Variants in SNTG1 observed in about 807,000 individuals in gnomAD.
SNTG1 encodes gamma-1-syntrophin.
A neutral mutation model predicts 74.7 loss-of-function variants in SNTG1; 39 were observed. The ratio of observed to expected loss-of-function variants is 0.52; its 90% CI spans 0.40 to 0.68. SNTG1 has a LOEUF of 0.68. SNTG1 is among the 30% of genes least tolerant of loss of function. The probability of loss-of-function intolerance (pLI) is 0.00; values close to 1 mark genes in which losing one functional copy is unlikely to be tolerated. For missense variants in SNTG1, 685 were observed against 609.5 expected (o/e 1.12, Z -1.30); for synonymous variants, 254 against 217.1 (o/e 1.17, Z -1.49).
chr8:50,432,492 T>G (rs2093249281), intron 4 of SNTG1, among the ~76,000 whole-genome samples: 1 of 152,134 alleles, frequency 6.6e-6, no homozygotes, highest in South Asian at 2.1e-4. Context: ...GTACTGGTTA[T>G]TATAGGTCTT....
intron 5 of SNTG1, among the ~76,000 whole-genome samples, chr8:50,446,150 G>T (rs956106667): frequency 6.6e-6 from 1 of 152,118 alleles, no homozygotes; most frequent in African/African-American, 2.4e-5. Flanking sequence ...CAAGCCACAT[G>T]ATTTGATTAT....
intron 17 of SNTG1, among the ~76,000 whole-genome samples, chr8:50,743,240 T>G (rs2095547584): frequency 6.6e-6 from 1 of 151,928 alleles, no homozygotes; most frequent in Non-Finnish European, 1.5e-5. Flanking sequence ...GAATATTAAT[T>G]TAAAAAACTC....
intron 12 of SNTG1, among the ~76,000 whole-genome samples, chr8:50,581,328 A>T (rs1324631981): frequency 6.6e-6 from 1 of 152,206 alleles, no homozygotes; most frequent in African/African-American, 2.4e-5. Flanking sequence ...AGAAGGTTAT[A>T]TTTAAGAATC....
chr8:50,780,818 C>T (rs967733344), intron 18 of SNTG1, among the ~76,000 whole-genome samples: 5 of 152,264 alleles, frequency 3.3e-5, no homozygotes, highest in Admixed American at 6.5e-5. Flanking sequence ...TTGGATCTTT[C>T]CTGCTTTCTC....
chr8:50,745,697 T>C (rs900912163), intron 17 of SNTG1, among the ~76,000 whole-genome samples: 2 of 151,960 alleles, frequency 1.3e-5, no homozygotes, highest in African/African-American at 4.8e-5. Flanking sequence ...AAATTGGGAT[T>C]TTCAGACAAT....
At chr8:50,105,100 TGAAA>T (rs2080313064) in intron 1 of SNTG1, among the ~76,000 whole-genome samples, 1 of 152,154 alleles carries the variant, frequency 6.6e-6, no homozygotes, top group African/African-American at 2.4e-5. Context: ...ATCTGCATCT[TGAAA>T]TCTTTGCCAT....
chr8:50,764,969 A>G (rs28855797), intron 18 of SNTG1, among the ~76,000 whole-genome samples: 17,142 of 151,904 alleles, frequency 0.11, 2,862 homozygotes, highest in African/African-American at 0.37. Flanking sequence ...AGGACATTAT[A>G]TCATAGAAGA....
chr8:50,628,547 T>C (rs1005508810), intron 13 of SNTG1, among the ~76,000 whole-genome samples: 1 of 152,152 alleles, frequency 6.6e-6, no homozygotes, highest in Non-Finnish European at 1.5e-5. Context: ...TCCATTTTTT[T>C]TCTCATTTTC....
intron 5 of SNTG1, 95 bp from the exon 6 acceptor site, chr8:50,449,573 C>G: frequency 1.2e-6 from 1 of 819,258 alleles, no homozygotes; most frequent in Non-Finnish European, 1.7e-6. Flanking sequence ...GCCTAATATC[C>G]ACTTAACATT....
At chr8:50,742,138 TA>T (rs531369198) in intron 17 of SNTG1, among the ~76,000 whole-genome samples, 1 of 151,806 alleles carries the variant, frequency 6.6e-6, no homozygotes, top group Non-Finnish European at 1.5e-5. Flanking sequence ...TTATTAATTT[TA>T]AAAAAATCAT....
At chr8:50,463,385 A>C (rs2093583727) in intron 8 of SNTG1, among the ~76,000 whole-genome samples, 1 of 152,122 alleles carries the variant, frequency 6.6e-6, no homozygotes, top group African/African-American at 2.4e-5. Flanking sequence ...CACCTTACGA[A>C]ATGTATTTCC....
At chr8:49,974,126 T>C (rs1811968630) in intron 1 of SNTG1, among the ~76,000 whole-genome samples, 1 of 152,196 alleles carries the variant, frequency 6.6e-6, no homozygotes, top group Non-Finnish European at 1.5e-5. Flanking sequence ...TTTCAAATCA[T>C]CCAGCTTCCT....
chr8:50,349,161 T>C (rs1233788377), intron 2 of SNTG1, among the ~76,000 whole-genome samples: 1 of 152,226 alleles, frequency 6.6e-6, no homozygotes, highest in African/African-American at 2.4e-5. Context: ...GTTTCATATG[T>C]GAAAAGTTCA....
chr8:50,487,301 T>C (rs2093804695), intron 8 of SNTG1, among the ~76,000 whole-genome samples: 1 of 152,102 alleles, frequency 6.6e-6, no homozygotes, highest in Admixed American at 6.6e-5. Flanking sequence ...AGATCTAGAA[T>C]TAGAAATACC....
chr8:50,346,759 T>C (rs981446740), intron 2 of SNTG1, among the ~76,000 whole-genome samples: 1 of 152,258 alleles, frequency 6.6e-6, no homozygotes, highest in Non-Finnish European at 1.5e-5. Context: ...GGAGAAAGCA[T>C]TAGTGATCTG....
chr8:50,792,930 A>G lies in SNTG1; in HGVS notation c.*101A>G. On this transcript the variant is annotated 3_prime_UTR_variant, in exon 19 of 19. Transcript: ENST00000642720. ...GAAACCATAACATCACCAAGTCGAC[A>G]GTGGAGGCAAATCAAAATTTCGGCA... The G allele has an allele frequency of 7.5e-7, 1 of 1,327,308 alleles. No individual in the cohort carries two copies. The highest frequency in any genetic ancestry group is 1.0e-6 in the Non-Finnish European group (1 of 1,001,170). The allele number at this position is 1,327,308 out of a possible 1,614,324, so 82.2% of individuals were successfully genotyped here. A position where few individuals can be genotyped will look rare whatever the true frequency, so the allele number is the denominator to read the frequency against.
intron 3 of SNTG1, among the ~76,000 whole-genome samples, chr8:50,395,218 A>G (rs1250241283): frequency 6.6e-6 from 1 of 152,190 alleles, no homozygotes; most frequent in African/African-American, 2.4e-5. Context: ...ATATAAATAT[A>G]AGGTTTTTCA....
At chr8:50,389,061 G>C (rs1212350569) in intron 2 of SNTG1, among the ~76,000 whole-genome samples, 2 of 152,134 alleles carry the variant, frequency 1.3e-5, no homozygotes, top group African/African-American at 4.8e-5. Flanking sequence ...CAGCTTCTTG[G>C]GGAAACTGTT....
At chr8:50,646,912 C>G (rs2095112869) in intron 13 of SNTG1, among the ~76,000 whole-genome samples, 1 of 151,900 alleles carries the variant, frequency 6.6e-6, no homozygotes, top group Admixed American at 6.6e-5. Flanking sequence ...GAAATAAAGT[C>G]AAACAAGTAT....
Sources: allele counts gnomAD v4.1 joint callset (sites outside exome capture counted in the v4.1 genomes callset), GRCh38; gene constraint gnomAD v4.1.1; transcripts MANE v1.5; gene names NCBI Gene and HGNC (gene_info 2026-07-23, HGNC 2026-07-21).